The following KCNJ6 variants were observed in gnomAD, a reference collection of about 807,000 sequenced individuals.
KCNJ6 encodes the protein potassium inwardly rectifying channel subfamily J member 6, also known as G protein-activated inward rectifier potassium channel 2.
Under a neutral mutation model 34.2 loss-of-function variants are expected in KCNJ6, and 9 were observed. That is an observed-to-expected ratio of 0.26 (90% confidence interval 0.16 to 0.46). KCNJ6 has a LOEUF of 0.46. Ranked by LOEUF, KCNJ6 falls within the 20% of genes least tolerant of loss-of-function variation. The pLI, the probability that KCNJ6 is intolerant of heterozygous loss-of-function variation, is 1.00. For missense variants in KCNJ6, 236 were observed against 531.3 expected (o/e 0.44, Z 5.46); for synonymous variants, 196 against 207.1 (o/e 0.95, Z 0.46).
intron 3 of KCNJ6, among the ~76,000 whole-genome samples, chr21:37,638,316 T>C (rs1013785183): frequency 6.6e-6 from 1 of 152,034 alleles, no homozygotes; most frequent in Non-Finnish European, 1.5e-5. Context: ...CCTGCTAATT[T>C]TTGTATTTTT....
intron 2 of KCNJ6, among the ~76,000 whole-genome samples, chr21:37,840,361 G>C (rs2055474209): frequency 6.6e-6 from 1 of 152,176 alleles, no homozygotes; most frequent in African/African-American, 2.4e-5. Context: ...TAAAAGTCAG[G>C]TTGAAATTAT....
chr21:37,834,324 C>T (rs1174294612), intron 2 of KCNJ6, among the ~76,000 whole-genome samples: 3 of 152,364 alleles, frequency 2.0e-5, no homozygotes, highest in Non-Finnish European at 2.9e-5. Flanking sequence ...TCCTGCATGA[C>T]GTTCTAGCAC....
intron 2 of KCNJ6, among the ~76,000 whole-genome samples, chr21:37,826,621 A>C (rs1034230103): frequency 1.3e-5 from 2 of 152,108 alleles, no homozygotes; most frequent in Admixed American, 1.3e-4. Context: ...TAAAAAAAAA[A>C]ACAGATTTTT....
rs193031558 is a variant in KCNJ6 at position 37,691,796 on chromosome 21, G to A, written c.946+22415C>T. Among the ~76,000 whole-genome samples, 255 of 151,028 alleles carry A rather than the reference G, an allele frequency of 1.7e-3. 1 individual carries two copies. Among genetic ancestry groups the A allele is most frequent in the African/African-American group, 5.4e-3 (222 of 41,480 alleles). ...CCTGTGCTCACAGGAAAGCACAGCC[G>A]TTAGAACTCCTTAGACCCTGCAGGC... On this transcript the variant is annotated intron_variant, in intron 3 of 3. Transcript: ENST00000609713.
chr21:37,719,322 A>G (rs66862405), intron 2 of KCNJ6: 52,879 of 152,020 alleles, frequency 0.35, 9,933 homozygotes, highest in East Asian at 0.54. Flanking sequence ...ATTTTGTGAC[A>G]TTTCTTTCTT....
chr21:37,858,412 A>AAAAAAG, intron 1 of KCNJ6, among the ~76,000 whole-genome samples: 1 of 150,918 alleles, frequency 6.6e-6, no homozygotes, highest in Non-Finnish European at 1.5e-5. Context: ...AAAAAAAAAA[A>AAAAAAG]AAAAAGAAAG....
chr21:37,883,634 C>G (rs1368249502), intron 1 of KCNJ6, among the ~76,000 whole-genome samples: 1 of 152,172 alleles, frequency 6.6e-6, no homozygotes, highest in Non-Finnish European at 1.5e-5. Flanking sequence ...TCCCTGCTCC[C>G]AAAGTCCCGG....
intron 1 of KCNJ6, among the ~76,000 whole-genome samples, chr21:37,913,365 C>T (rs117775245): frequency 6.6e-6 from 1 of 152,224 alleles, no homozygotes; most frequent in African/African-American, 2.4e-5. Flanking sequence ...AATGTAGCCA[C>T]CTTGCTCACA....
chr21:37,829,802 C>T (rs1478368259), intron 2 of KCNJ6, among the ~76,000 whole-genome samples: 4 of 152,212 alleles, frequency 2.6e-5, no homozygotes, highest in Admixed American at 6.5e-5. Context: ...GGGGTGCCCC[C>T]GAGATGGGGG....
At chr21:37,778,689 C>CTGTGTGCG (rs1555843329) in intron 2 of KCNJ6, among the ~76,000 whole-genome samples, 137 of 130,830 alleles carry the variant, frequency 1.0e-3, no homozygotes, top group African/African-American at 3.8e-3. Context: ...TATCCGTGTG[C>CTGTGTGCG]TGTGTGCGTG....
At chr21:37,666,676 G>A (rs965886303) in intron 3 of KCNJ6, among the ~76,000 whole-genome samples, 8 of 151,940 alleles carry the variant, frequency 5.3e-5, no homozygotes, top group Non-Finnish European at 7.4e-5. Context: ...CATCGAGAAC[G>A]GGCCATGATG....
At chr21:37,737,918 C>A (rs949851256) in intron 2 of KCNJ6, among the ~76,000 whole-genome samples, 5 of 152,176 alleles carry the variant, frequency 3.3e-5, no homozygotes, top group African/African-American at 1.2e-4. Flanking sequence ...ATTGAGATGC[C>A]TTTTTGGTAG....
At chr21:37,634,976 C>T (rs1369361863) in intron 3 of KCNJ6, among the ~76,000 whole-genome samples, 4 of 151,934 alleles carry the variant, frequency 2.6e-5, no homozygotes, top group African/African-American at 7.2e-5. Context: ...AGGCTGGTCT[C>T]GAACTCCTGG....
At chr21:37,691,250 C>A (rs1352035443) in intron 3 of KCNJ6, among the ~76,000 whole-genome samples, 1 of 152,190 alleles carries the variant, frequency 6.6e-6, no homozygotes, top group African/African-American at 2.4e-5. Context: ...TTTCCTGGCA[C>A]CCCTAGGCTC....
At chr21:37,718,449 G>A (rs1474297985) in intron 2 of KCNJ6, among the ~76,000 whole-genome samples, 1 of 152,180 alleles carries the variant, frequency 6.6e-6, no homozygotes, top group Non-Finnish European at 1.5e-5. Context: ...AGAAAAGAAA[G>A]CCGAAGATGA....
intron 3 of KCNJ6, among the ~76,000 whole-genome samples, chr21:37,628,865 G>A (rs2054321934): frequency 6.6e-6 from 1 of 152,152 alleles, no homozygotes; most frequent in African/African-American, 2.4e-5. Flanking sequence ...AACCATGGAA[G>A]CCAGAAGGCC....
At chr21:37,701,227 T>C (rs1385017807) in intron 3 of KCNJ6, among the ~76,000 whole-genome samples, 3 of 151,644 alleles carry the variant, frequency 2.0e-5, no homozygotes, top group Admixed American at 1.3e-4. Context: ...AAGGGAAGCA[T>C]TGAGGGTGCA....
chr21:37,853,690 G>T (rs1190066067), intron 1 of KCNJ6, among the ~76,000 whole-genome samples: 1 of 151,558 alleles, frequency 6.6e-6, no homozygotes, highest in African/African-American at 2.4e-5. Flanking sequence ...ATTATAGCAT[G>T]GTCTACTGTG....
At chr21:37,818,876 C>T (rs1473591576) in intron 2 of KCNJ6, among the ~76,000 whole-genome samples, 1 of 151,586 alleles carries the variant, frequency 6.6e-6, no homozygotes, top group South Asian at 2.1e-4. Context: ...AGGTGTAGAT[C>T]TTGCTGTAAG....
Sources: gnomAD v4.1 joint callset for allele counts (sites outside exome capture counted in the v4.1 genomes callset) on GRCh38, gnomAD v4.1.1 for gene constraint, MANE v1.5 for transcripts, NCBI Gene and HGNC (gene_info 2026-07-23, HGNC 2026-07-21) for gene names.